SWAP70: variants seen among roughly 807,000 people sequenced by gnomAD.
The protein encoded by SWAP70 is switching B cell complex subunit SWAP70.
Under a neutral mutation model 80.2 loss-of-function variants are expected in SWAP70, and 34 were observed. That is an observed-to-expected ratio of 0.42 (90% confidence interval 0.32 to 0.56). SWAP70 has a LOEUF of 0.56. Among genes scored for constraint, SWAP70 ranks in the 20% least tolerant of loss-of-function variants. The probability of loss-of-function intolerance (pLI) is 0.09; values close to 1 mark genes in which losing one functional copy is unlikely to be tolerated. For missense variants in SWAP70, 578 were observed against 690.7 expected (o/e 0.84, Z 1.83); for synonymous variants, 239 against 238.5 (o/e 1.00, Z -0.02).
At chr11:9,693,473 G>T (rs571595509) in intron 1 of SWAP70, among the ~76,000 whole-genome samples, 1 of 152,070 alleles carries the variant, frequency 6.6e-6, no homozygotes, top group South Asian at 2.1e-4. Flanking sequence ...TCCTATTTTT[G>T]CTATTTAATT....
chr11:9,710,097 G>A (rs1282568125), intron 2 of SWAP70, among the ~76,000 whole-genome samples: 1 of 151,960 alleles, frequency 6.6e-6, no homozygotes, highest in Non-Finnish European at 1.5e-5. Context: ...TCTCAGTGGT[G>A]GCAAAGGCAG....
chr11:9,724,915 C>A, intron 4 of SWAP70, 30 bp downstream of exon 4: 1 of 1,378,048 alleles, frequency 7.3e-7, no homozygotes, highest in South Asian at 1.2e-5. Flanking sequence ...TTTTTTTTCT[C>A]ATCTTTAGAA....
At chr11:9,683,576 A>G (rs2134436190) in intron 1 of SWAP70, among the ~76,000 whole-genome samples, 1 of 152,296 alleles carries the variant, frequency 6.6e-6, no homozygotes, top group East Asian at 1.9e-4. Context: ...CCAGGAAGCC[A>G]ATGTTAAGAC....
intron 2 of SWAP70, among the ~76,000 whole-genome samples, chr11:9,701,010 G>A (rs886539881): frequency 9.9e-5 from 15 of 152,060 alleles, no homozygotes; most frequent in African/African-American, 3.6e-4. Flanking sequence ...TTCATACCAA[G>A]AGTTAAATTA....
intron 7 of SWAP70, among the ~76,000 whole-genome samples, chr11:9,735,727 T>C (rs550605557): frequency 2.2e-4 from 34 of 152,364 alleles, no homozygotes; most frequent in African/African-American, 7.7e-4. Flanking sequence ...AACTTTCTGA[T>C]GAGTAGTCAG....
At chr11:9,745,865 T>C (rs1173356836) in intron 9 of SWAP70, among the ~76,000 whole-genome samples, 2 of 152,156 alleles carry the variant, frequency 1.3e-5, no homozygotes, top group East Asian at 3.8e-4. Flanking sequence ...TAAAACAATT[T>C]GTTGAAAGTT....
intron 1 of SWAP70, among the ~76,000 whole-genome samples, chr11:9,690,536 C>T (rs1850685512): frequency 6.6e-6 from 1 of 152,058 alleles, no homozygotes; most frequent in African/African-American, 2.4e-5. Flanking sequence ...TGCCATTGCA[C>T]TCCAGCCTGG....
chr11:9,728,070 G>A lies in SWAP70; in HGVS notation c.660G>A (p.Lys220=). 1 of 1,607,278 alleles carries A rather than the reference G, an allele frequency of 6.2e-7. No homozygotes were observed. The highest frequency in any genetic ancestry group is 8.5e-7 in the Non-Finnish European group (1 of 1,177,596). The change falls in exon 5 of 12, where the codon AAG becomes AAA. Residue 220 remains lysine, a synonymous_variant. Transcript: ENST00000318950. ...TTTCACAGGGTTACATGATGAAAAA[G>A]GGCCACAGACGGAAAAACTGGACTG... ...DVLKQGYMMK[K]GHRRKNWTER... is the part of the protein sequence containing the mutation.
intron 2 of SWAP70, among the ~76,000 whole-genome samples, chr11:9,695,872 G>C (rs1850750994): frequency 2.0e-5 from 3 of 151,966 alleles, no homozygotes; most frequent in Admixed American, 2.0e-4. Flanking sequence ...TCAGCTCACT[G>C]TAGCCTCTGA....
intron 7 of SWAP70, among the ~76,000 whole-genome samples, chr11:9,736,002 C>G (rs1025273168): frequency 4.6e-5 from 7 of 152,038 alleles, no homozygotes; most frequent in African/African-American, 1.4e-4. Flanking sequence ...AATGTTGGTG[C>G]ACATAATGGT....
At chr11:9,748,143 A>T in intron 10 of SWAP70, 87 bp downstream of exon 10, 1 of 1,352,368 alleles carries the variant, frequency 7.4e-7, no homozygotes, top group Non-Finnish European at 1.0e-6. Context: ...AGCTGCCAAT[A>T]TGAAGCTGTA....
chr11:9,748,102 A>C, intron 10 of SWAP70, 46 bp downstream of exon 10: 18 of 1,569,032 alleles, frequency 1.1e-5, no homozygotes, highest in Non-Finnish European at 1.6e-5. Flanking sequence ...AATTTTTGAA[A>C]AACATTTCTC....
intron 1 of SWAP70, among the ~76,000 whole-genome samples, chr11:9,674,424 G>C (rs1590010173): frequency 6.6e-6 from 1 of 152,170 alleles, no homozygotes; most frequent in Admixed American, 6.5e-5. Flanking sequence ...GGGAAGCTGG[G>C]TGCAGTGGCT....
intron 2 of SWAP70, among the ~76,000 whole-genome samples, chr11:9,703,977 T>C (rs1385203655): frequency 6.6e-6 from 1 of 152,224 alleles, no homozygotes; most frequent in African/African-American, 2.4e-5. Context: ...GCTCTTGCTC[T>C]GGTTTAAATG....
chr11:9,676,649 T>G (rs1590011825), intron 1 of SWAP70, among the ~76,000 whole-genome samples: 1 of 134,326 alleles, frequency 7.4e-6, no homozygotes, highest in Non-Finnish European at 1.6e-5. Flanking sequence ...ATAGATGCAG[T>G]TTTTTTTTTT....
At chr11:9,666,707 T>G (rs1468049667) in intron 1 of SWAP70, among the ~76,000 whole-genome samples, 2 of 149,282 alleles carry the variant, frequency 1.3e-5, no homozygotes, top group Admixed American at 6.9e-5. Context: ...TTCCAGATAT[T>G]CCCAGATGAC....
intron 1 of SWAP70, among the ~76,000 whole-genome samples, chr11:9,686,244 G>A (rs967543821): frequency 6.6e-6 from 1 of 151,656 alleles, no homozygotes; most frequent in Non-Finnish European, 1.5e-5. Flanking sequence ...CCCCCATCAT[G>A]TACACACATG....
At position 9,664,096 on chromosome 11, in the gene SWAP70, T is replaced by C; in HGVS notation, c.-84T>C. 7.6e-7 allele frequency: 1 copy of C among 1,313,638 alleles called. No homozygotes were observed. 81.4% of individuals were successfully genotyped at this position (1,313,638 alleles called of 1,614,324 possible). On this transcript the variant is annotated 5_prime_UTR_variant, in exon 1 of 12. Transcript: ENST00000318950. Reference sequence around the variant, plus strand: ...CGGGTCAGGTGACTGCGCGGCGGGCTGTGGCTGCGGAGGTTGAGGGGCGTC... The same window carrying C: ...CGGGTCAGGTGACTGCGCGGCGGGCCGTGGCTGCGGAGGTTGAGGGGCGTC...
At chr11:9,703,975 T>C (rs151267757) in intron 2 of SWAP70, among the ~76,000 whole-genome samples, 2 of 152,194 alleles carry the variant, frequency 1.3e-5, no homozygotes, top group South Asian at 4.1e-4. Context: ...TGGCTCTTGC[T>C]CTGGTTTAAA....
Sources: gnomAD v4.1 joint callset for allele counts (sites outside exome capture counted in the v4.1 genomes callset) on GRCh38, gnomAD v4.1.1 for gene constraint, MANE v1.5 for transcripts, NCBI Gene and HGNC (gene_info 2026-07-23, HGNC 2026-07-21) for gene names.